SHOC1: variants seen among roughly 807,000 people sequenced by gnomAD.
SHOC1 encodes the protein protein shortage in chiasmata 1 ortholog.
SHOC1 carries 136 observed loss-of-function variants against 179.2 expected under a neutral mutation model. That is an observed-to-expected ratio of 0.76 (90% CI 0.66 to 0.87). The LOEUF (loss-of-function observed/expected upper bound fraction) is 0.87. Ranked by LOEUF, SHOC1 falls within the 40% of genes least tolerant of loss-of-function variation. The pLI, the probability that SHOC1 is intolerant of heterozygous loss-of-function variation, is 0.00. For synonymous variants in SHOC1, 489 were observed against 586.6 expected (o/e 0.83, Z 2.41); for missense variants, 1,538 against 1,700.8 (o/e 0.90, Z 1.68).
At chr9:111,730,019 C>A (rs918689924) in intron 12 of SHOC1, among the ~76,000 whole-genome samples, 1 of 152,180 alleles carries the variant, frequency 6.6e-6, no homozygotes, top group African/African-American at 2.4e-5. Flanking sequence ...GGGACAGATT[C>A]TATCTCAAGA....
At chr9:111,744,201 G>T (rs1834161490) in intron 10 of SHOC1, among the ~76,000 whole-genome samples, 1 of 152,136 alleles carries the variant, frequency 6.6e-6, no homozygotes, top group South Asian at 2.1e-4. Context: ...ATGGATTAGG[G>T]TGTATGGACT....
chr9:111,774,982 A>G (rs979346518), intron 5 of SHOC1, among the ~76,000 whole-genome samples: 5 of 152,020 alleles, frequency 3.3e-5, no homozygotes, highest in African/African-American at 7.3e-5. Context: ...TCCAGTTTGA[A>G]TAAAATATAC....
chr9:111,736,187 T>C (rs114991029), intron 12 of SHOC1, among the ~76,000 whole-genome samples: 39 of 152,242 alleles, frequency 2.6e-4, no homozygotes, highest in African/African-American at 9.1e-4. Flanking sequence ...ACTATCAACA[T>C]CATTTTCCAC....
intron 5 of SHOC1, among the ~76,000 whole-genome samples, chr9:111,765,422 A>G (rs556332341): frequency 6.6e-6 from 1 of 151,816 alleles, no homozygotes; most frequent in East Asian, 2.0e-4. Context: ...ACATGGGGAA[A>G]CCCTGTCTCT....
rs997821118 is a variant in SHOC1 at position 111,758,020 on chromosome 9, C to G, written c.708+64G>C. On this transcript the variant is annotated intron_variant, in intron 7 of 27. Coordinates refer to ENST00000682961, the MANE Select transcript of SHOC1 (RefSeq NM_001378211.1). ...ACAATTGTAGACAATGTATATTACA[C>G]AAATTTTACAAAAATGTGCCTCACT... 3.8e-6 allele frequency: 3 copies of G among 790,400 alleles called. No individual in the cohort carries two copies. The Admixed American group carries it at 9.4e-5, about 25-fold the overall frequency. The allele number at this position is 790,400 out of a possible 1,614,324, so 49.0% of individuals were successfully genotyped here.
chr9:111,721,265 T>C (rs1298046931), intron 15 of SHOC1, among the ~76,000 whole-genome samples: 1 of 152,214 alleles, frequency 6.6e-6, no homozygotes, highest in Non-Finnish European at 1.5e-5. Context: ...TGCAGCATAG[T>C]AGTCCCTCTA....
chr9:111,728,096 G>A (rs1314020931), intron 12 of SHOC1, 47 bp from the exon 13 acceptor site: 11 of 1,327,848 alleles, frequency 8.3e-6, no homozygotes, highest in African/African-American at 3.0e-5. Flanking sequence ...ACACCTAAAC[G>A]AGTGTTCTAT....
chr9:111,783,106 C>G (rs564021236), intron 3 of SHOC1, among the ~76,000 whole-genome samples: 69 of 152,200 alleles, frequency 4.5e-4, no homozygotes, highest in African/African-American at 1.6e-3. Flanking sequence ...TTTACAGTCT[C>G]TCTCATCATG....
At chr9:111,758,455 G>A (rs1371282685) in intron 6 of SHOC1, among the ~76,000 whole-genome samples, 1 of 152,188 alleles carries the variant, frequency 6.6e-6, no homozygotes, top group Non-Finnish European at 1.5e-5. Flanking sequence ...AATTAGCTGG[G>A]CACAGTGGCG....
At chr9:111,741,150 TA>T (rs1388097958) in intron 11 of SHOC1, among the ~76,000 whole-genome samples, 5 of 152,194 alleles carry the variant, frequency 3.3e-5, no homozygotes, top group South Asian at 2.1e-4. Flanking sequence ...TTTTTATTTT[TA>T]TTTTTTTTTA....
At chr9:111,738,226 A>G (rs1044168060) in intron 12 of SHOC1, 54 bp downstream of exon 12, 3 of 1,494,250 alleles carry the variant, frequency 2.0e-6, no homozygotes, top group Non-Finnish European at 2.7e-6. Flanking sequence ...AGAATCTAAC[A>G]TTTTCACATT....
intron 1 of SHOC1, among the ~76,000 whole-genome samples, 187 bp from the exon 2 acceptor site, chr9:111,791,641 A>G (rs990347474): frequency 1.1e-4 from 16 of 152,332 alleles, no homozygotes; most frequent in Non-Finnish European, 2.2e-4. Flanking sequence ...AGAAAATTGA[A>G]TAATTTCTTA....
rs893563302 is a variant in SHOC1 at position 111,690,743 on chromosome 9, G to T, written c.4426+808C>A. Among the ~76,000 whole-genome samples, 3 of 152,098 alleles carry T rather than the reference G, an allele frequency of 2.0e-5. No individual in the cohort carries two copies. The East Asian group carries it at 5.8e-4, about 29-fold the overall frequency. The stretch of plus-strand genomic sequence containing the variant: ...AACAAGTTGTAAGTATTAAATAAGA[G>T]CAAATCCAAGCATTACAAGTCCTGT... On this transcript the variant is annotated intron_variant, in intron 27 of 27. Transcript: ENST00000682961.
At position 111,722,593 on chromosome 9, in the gene SHOC1, A is replaced by T; in HGVS notation, c.1955-8T>A. On this transcript the variant is annotated splice_region_variant and splice_polypyrimidine_tract_variant and intron_variant, in intron 14 of 27. Transcript: ENST00000682961. ...ATGCTTGGCACTGGCTATCTGCAAA[A>T]ATAAAAGCATTAATGGCAGTGTTTT... The T allele has an allele frequency of 6.3e-7, 1 of 1,588,590 alleles. No individual in the cohort carries two copies.
chr9:111,741,313 T>C (rs1834027853), intron 11 of SHOC1, among the ~76,000 whole-genome samples, 163 bp downstream of exon 11: 1 of 152,180 alleles, frequency 6.6e-6, no homozygotes, highest in Non-Finnish European at 1.5e-5. Flanking sequence ...CTTCTGCACC[T>C]AGCATAATGA....
intron 15 of SHOC1, among the ~76,000 whole-genome samples, chr9:111,719,641 C>G (rs1486192682): frequency 6.6e-6 from 1 of 152,108 alleles, no homozygotes; most frequent in East Asian, 1.9e-4. Context: ...ATAATCATTA[C>G]CAGAATGCCA....
intron 5 of SHOC1, among the ~76,000 whole-genome samples, chr9:111,768,822 C>T (rs1589459923): frequency 6.6e-6 from 1 of 152,248 alleles, no homozygotes; most frequent in East Asian, 1.9e-4. Flanking sequence ...TGAAAATGGA[C>T]ATCGTTGTCT....
chr9:111,735,901 T>A (rs1464779102), intron 12 of SHOC1, among the ~76,000 whole-genome samples: 3 of 152,200 alleles, frequency 2.0e-5, no homozygotes, highest in Non-Finnish European at 4.4e-5. Flanking sequence ...AGATGGTATC[T>A]CATTGGTACC....
At position 111,794,666 on chromosome 9, in the gene SHOC1, T is replaced by A. The variant is rs35339685; in HGVS notation, c.-37+234A>T. ...ATTGTTTAGCCCATACAACTTCTAG[T>A]TGATGGGCTGAAATCCCACCAGCAT... On this transcript the variant is annotated intron_variant, in intron 1 of 27. Coordinates refer to ENST00000682961, the MANE Select transcript of SHOC1 (RefSeq NM_001378211.1). Among the ~76,000 whole-genome samples, 8 of 152,260 alleles carry A rather than the reference T, an allele frequency of 5.3e-5. No individual in the cohort carries two copies. In the East Asian group the frequency reaches 9.7e-4, roughly 18 times the overall value.
Sources: allele counts gnomAD v4.1 joint callset (sites outside exome capture counted in the v4.1 genomes callset), GRCh38; gene constraint gnomAD v4.1.1; transcripts MANE v1.5; gene names NCBI Gene and HGNC (gene_info 2026-07-23, HGNC 2026-07-21).